The following NRP2 variants were observed in gnomAD, a reference collection of about 807,000 sequenced individuals.
NRP2 encodes the protein neuropilin 2.
Under a neutral mutation model 110.4 loss-of-function variants are expected in NRP2, and 52 were observed. The ratio of observed to expected loss-of-function variants is 0.47; its 90% CI spans 0.38 to 0.59. NRP2 has a LOEUF of 0.59. Ranked by LOEUF, NRP2 falls within the 20% of genes least tolerant of loss-of-function variation. NRP2 has a pLI of 0.00. For synonymous variants in NRP2, 508 were observed against 468.9 expected, an observed-to-expected ratio of 1.08 and a Z score of -1.08; for missense variants, 1,049 against 1,203.0, an observed-to-expected ratio of 0.87 and a Z score of 1.89.
chr2:205,691,203 A>C (rs1364503395), intron 1 of NRP2, among the ~76,000 whole-genome samples: 1 of 152,220 alleles, frequency 6.6e-6, no homozygotes, highest in Non-Finnish European at 1.5e-5. Context: ...CTGGTGGCTC[A>C]GTAGACTGGA....
chr2:205,774,823 A>G (rs1322648581), intron 15 of NRP2, among the ~76,000 whole-genome samples: 1 of 152,202 alleles, frequency 6.6e-6, no homozygotes, highest in Non-Finnish European at 1.5e-5. Context: ...TGTTTGATTC[A>G]CCAAGCATTT....
Position 205,722,683 on chromosome 2 carries a change from G to A in NRP2, c.639G>A (p.Leu213=), listed in dbSNP as rs771137635. Residue 213 remains leucine (L), a synonymous_variant, in exon 4 of 17, where the codon CTG becomes CTA. Coordinates refer to ENST00000357785, the MANE Select transcript of NRP2 (RefSeq NM_003872.3). ...VGEGDCKYDW[L]DIWDGIPHVG... ...AGGGGGACTGCAAGTACGATTGGCT[G>A]GACATCTGGGATGGCATTCCACATG... 6.2e-7 allele frequency: 1 copy of A among 1,614,134 alleles called. No individual in the cohort carries two copies. The highest frequency in any genetic ancestry group is 1.1e-5 in the South Asian group (1 of 91,078).
chr2:205,767,145 C>CAAAA, intron 15 of NRP2: 5 of 260,590 alleles, frequency 1.9e-5, no homozygotes, highest in East Asian at 2.0e-4. Context: ...AAGACTGAAC[C>CAAAA]AAAAAAAAAA....
chr2:205,715,866 G>T (rs1294858489), intron 2 of NRP2, among the ~76,000 whole-genome samples: 1 of 152,158 alleles, frequency 6.6e-6, no homozygotes, highest in Non-Finnish European at 1.5e-5. Context: ...GATTCTGAGA[G>T]AGCATAATGG....
chr2:205,745,905 C>T lies in NRP2; in HGVS notation c.1786+15C>T. Reference sequence around the variant, plus strand: ...TGACTGGACAGGTAAGATGACATTTCCTCCTCTTTGCATCTCACCCACATG... The same window carrying T: ...TGACTGGACAGGTAAGATGACATTTTCTCCTCTTTGCATCTCACCCACATG... On this transcript the variant is annotated intron_variant, in intron 10 of 16. Transcript: ENST00000357785. The T allele has an allele frequency of 6.2e-7, 1 of 1,613,968 alleles. No homozygotes were observed. The highest frequency in any genetic ancestry group is 8.5e-7 in the Non-Finnish European group (1 of 1,179,938).
At chr2:205,751,010 C>T (rs916650656) in intron 11 of NRP2, among the ~76,000 whole-genome samples, 21 of 151,946 alleles carry the variant, frequency 1.4e-4, no homozygotes, top group East Asian at 9.6e-4. Context: ...CACTGTTGGT[C>T]GGGGTTAGTT....
intron 2 of NRP2, among the ~76,000 whole-genome samples, chr2:205,698,702 G>C (rs917128178): frequency 1.3e-5 from 2 of 152,230 alleles, no homozygotes; most frequent in Non-Finnish European, 2.9e-5. Context: ...TTTTTGTGCA[G>C]AAAAGAATGT....
Position 205,798,056 on chromosome 2 carries a change from C to T in NRP2, c.*2998C>T, listed in dbSNP as rs2105983794. ...ATTCTTCAATGTAAAAAATAAACAA[C>T]AATGTCAAACTGTGTTTATATGATT... On this transcript the variant is annotated 3_prime_UTR_variant, in exon 17 of 17. Transcript: ENST00000357785. 6.6e-6 allele frequency: 1 copy of T among 152,276 alleles called. No homozygotes were observed. Among genetic ancestry groups the T allele is most frequent in the East Asian group, 1.9e-4 (1 of 5,168 alleles). The allele number at this position is 152,276 out of a possible 1,614,324, so 9.4% of individuals were successfully genotyped here.
chr2:205,702,548 T>C lies in NRP2; in HGVS notation c.251+4827T>C, dbSNP rs544033206. 8.7e-4 allele frequency among the ~76,000 whole-genome samples: 132 copies of C among 152,344 alleles called. 1 individual carries two copies. Among genetic ancestry groups the C allele is most frequent in the African/African-American group, 3.0e-3 (125 of 41,582 alleles). Reference sequence around the variant, plus strand: ...TTTGGATATTTGCCTCTAAGTGTCCTAGATAAACAAGGTGCTCTTGTGTTT... The same window carrying C: ...TTTGGATATTTGCCTCTAAGTGTCCCAGATAAACAAGGTGCTCTTGTGTTT... On this transcript the variant is annotated intron_variant, in intron 2 of 16. Coordinates refer to ENST00000357785, the MANE Select transcript of NRP2 (RefSeq NM_003872.3).
rs759203537 is a variant in NRP2, at chr2:205,794,842, C to T, written c.2565C>T (p.Tyr855=). The change falls in exon 17 of 17, where the codon TAC becomes TAT. Residue 855 remains tyrosine, a synonymous_variant. Coordinates refer to ENST00000357785, the MANE Select transcript of NRP2 (RefSeq NM_003872.3). ...PSTDKEKSWL[Y]TLDPILITII... is the part of the protein sequence containing the mutation. ...CCGACAAAGAAAAGAGCTGGCTGTA[C>T]ACCCTGGATCCCATCCTCATCACCA... 6.2e-6 allele frequency: 10 copies of T among 1,614,062 alleles called. No individual in the cohort carries two copies. Among genetic ancestry groups the T allele is most frequent in the Non-Finnish European group, 8.5e-6 (10 of 1,180,040 alleles).
chr2:205,735,020 G>C (rs2057317417), intron 7 of NRP2, among the ~76,000 whole-genome samples: 1 of 152,146 alleles, frequency 6.6e-6, no homozygotes. Context: ...CACGTGAAGA[G>C]AGACTGTTTT....
At chr2:205,696,826 A>G (rs1167759817) in intron 1 of NRP2, among the ~76,000 whole-genome samples, 1 of 152,202 alleles carries the variant, frequency 6.6e-6, no homozygotes, top group Admixed American at 6.5e-5. Context: ...TCGAAATTCC[A>G]AGGCTAGAGC....
chr2:205,689,819 T>TATCCC (rs1249251079), intron 1 of NRP2, among the ~76,000 whole-genome samples: 1 of 152,174 alleles, frequency 6.6e-6, no homozygotes, highest in Non-Finnish European at 1.5e-5. Context: ...CTCTCCCGAA[T>TATCCC]GTGTAATAAC....
intron 15 of NRP2, among the ~76,000 whole-genome samples, chr2:205,790,337 C>G (rs1167398196): frequency 6.6e-6 from 1 of 152,206 alleles, no homozygotes; most frequent in Non-Finnish European, 1.5e-5. Flanking sequence ...CCTTTAAGAT[C>G]AATGCCACAT....
intron 1 of NRP2, among the ~76,000 whole-genome samples, chr2:205,696,285 C>A (rs959440986): frequency 6.6e-6 from 1 of 152,172 alleles, no homozygotes; most frequent in Non-Finnish European, 1.5e-5. Context: ...AAATGCATGA[C>A]CTGTTCCCTC....
intron 15 of NRP2, among the ~76,000 whole-genome samples, chr2:205,788,023 A>T (rs1039242775): frequency 6.6e-6 from 1 of 152,070 alleles, no homozygotes; most frequent in African/African-American, 2.4e-5. Flanking sequence ...ACACTAGAGA[A>T]TATTTGACTC....
At chr2:205,738,369 C>T (rs2057382693) in intron 7 of NRP2, among the ~76,000 whole-genome samples, 1 of 152,212 alleles carries the variant, frequency 6.6e-6, no homozygotes, top group South Asian at 2.1e-4. Flanking sequence ...GCTGCATTTG[C>T]TTCTTCCTTT....
chr2:205,754,348 A>G (rs2057699617), intron 12 of NRP2, among the ~76,000 whole-genome samples: 1 of 152,204 alleles, frequency 6.6e-6, no homozygotes, highest in Admixed American at 6.5e-5. Context: ...CTAGGAGAAC[A>G]CTTGGAGCTG....
chr2:205,733,356 G>C (rs982942836), intron 7 of NRP2, among the ~76,000 whole-genome samples: 3 of 152,226 alleles, frequency 2.0e-5, no homozygotes, highest in Non-Finnish European at 4.4e-5. Context: ...CCAGTGACAA[G>C]GAGCACACAG....
Sources: gnomAD v4.1 joint callset for allele counts (sites outside exome capture counted in the v4.1 genomes callset) on GRCh38, gnomAD v4.1.1 for gene constraint, MANE v1.5 for transcripts, NCBI Gene and HGNC (gene_info 2026-07-23, HGNC 2026-07-21) for gene names.